The following CELSR1 variants were observed in gnomAD, a reference collection of about 807,000 sequenced individuals.
CELSR1 encodes adhesion G protein-coupled receptor C1.
CELSR1 carries 110 observed loss-of-function variants against 249.1 expected under a neutral mutation model. That is an observed-to-expected ratio of 0.44 (90% CI 0.38 to 0.52). The LOEUF (loss-of-function observed/expected upper bound fraction) is 0.52, where lower values mean the gene tolerates loss of function less well. Ranked by LOEUF, CELSR1 falls within the 20% of genes least tolerant of loss-of-function variation. CELSR1 has a pLI of 0.00. For missense variants in CELSR1, 4,109 were observed against 4,296.4 expected, an observed-to-expected ratio of 0.96 and a Z score of 1.22; for synonymous variants, 2,113 against 1,900.0, an observed-to-expected ratio of 1.11 and a Z score of -2.92.
chr22:46,427,547 A>G lies in CELSR1; in HGVS notation c.4611+5846T>C, dbSNP rs760714019. 1.4e-4 allele frequency among the ~76,000 whole-genome samples: 22 copies of G among 152,190 alleles called. No homozygotes were observed. Among genetic ancestry groups the G allele is most frequent in the African/African-American group, 1.9e-4 (8 of 41,430 alleles). ...ACTCCATCTCAAAAATAAAATAAAT[A>G]AAATACACCCTACAACTATGGCTTT... On this transcript the variant is annotated intron_variant, in intron 5 of 34. Transcript: ENST00000674500. The surrounding 1 kb of genome is among the most constrained non-coding windows in gnomAD (Gnocchi z 4.2).
At chr22:46,521,712 G>A (rs2147793828) in intron 1 of CELSR1, among the ~76,000 whole-genome samples, 1 of 151,770 alleles carries the variant, frequency 6.6e-6, no homozygotes, top group East Asian at 1.9e-4. Flanking sequence ...AGCTACTGGG[G>A]AGGCTGAGGC....
intron 25 of CELSR1, among the ~76,000 whole-genome samples, chr22:46,372,207 A>T (rs1397073421): frequency 1.7e-5 from 2 of 118,356 alleles, no homozygotes; most frequent in Admixed American, 8.2e-5. Context: ...CACCCCTCCA[A>T]CCATCCATCT....
chr22:46,363,641 C>T lies in CELSR1; in HGVS notation c.9035+355G>A, dbSNP rs373804566. 9.2e-5 allele frequency: 34 copies of T among 367,676 alleles called. No individual in the cohort carries two copies. Among genetic ancestry groups the T allele is most frequent in the African/African-American group, 1.9e-4 (9 of 48,488 alleles). The allele number at this position is 367,676 out of a possible 1,614,324, so 22.8% of individuals were successfully genotyped here. A position where few individuals can be genotyped will look rare whatever the true frequency, so the allele number is the denominator to read the frequency against. On this transcript the variant is annotated intron_variant, in intron 34 of 34. Transcript: ENST00000674500. The surrounding 1 kb of genome is among the most constrained non-coding windows in gnomAD (Gnocchi z 4.3). ...CCCGCCCCCTTCACCCCTGGCATTC[C>T]GGGACCCTCAGTATCCTCAACTGCA... is the stretch of plus-strand genomic sequence containing the variant.
rs112516837 is a variant in CELSR1 at position 46,378,689 on chromosome 22, G to A, written c.7285C>T (p.Arg2429Trp). The A allele has an allele frequency of 3.6e-5, 58 of 1,612,318 alleles. No individual in the cohort carries two copies. The highest frequency in any genetic ancestry group is 9.3e-5 in the African/African-American group (7 of 74,924). The change falls in exon 23 of 35, where the codon CGG (arginine) becomes TGG (tryptophan). Residue 2429 changes from arginine to tryptophan, a missense_variant. Coordinates refer to ENST00000674500, the MANE Select transcript of CELSR1 (RefSeq NM_001378328.1). ...AVGGTGGWSA[R>W]GCELLSRNRT... ...TTCCTGGACAGGAGCTCGCAGCCCC[G>A]GGCAGACCACCCTCCCGTCCCACCA...
chr22:46,522,966 G>C (rs761624961), intron 1 of CELSR1, among the ~76,000 whole-genome samples: 3 of 152,226 alleles, frequency 2.0e-5, no homozygotes, highest in Non-Finnish European at 4.4e-5. Context: ...ACAGCCCCTG[G>C]GGCCTTGGCC....
intron 1 of CELSR1, among the ~76,000 whole-genome samples, chr22:46,478,982 T>A (rs2080239230): frequency 1.3e-5 from 2 of 151,866 alleles, no homozygotes; most frequent in Admixed American, 1.3e-4. Flanking sequence ...CCAGGGCCAG[T>A]CTGGAACATT....
Position 46,508,170 on chromosome 22 carries a change from G to A in CELSR1, c.3544+25457C>T, listed in dbSNP as rs137917320. 8.3e-3 allele frequency among the ~76,000 whole-genome samples: 1,254 copies of A among 151,812 alleles called. 9 individuals carry two copies. Among genetic ancestry groups the A allele is most frequent in the Non-Finnish European group, 0.011 (763 of 67,888 alleles). ...CTCCCCCACGGCTCCTAGGACACCA[G>A]CTGACCCCCTCCCACCCACTCTCGC... is the stretch of plus-strand genomic sequence containing the variant. On this transcript the variant is annotated intron_variant, in intron 1 of 34. Coordinates refer to ENST00000674500, the MANE Select transcript of CELSR1 (RefSeq NM_001378328.1).
At position 46,393,724 on chromosome 22, in the gene CELSR1, C is replaced by G. The variant is rs1054523489; in HGVS notation, c.5964+418G>C. Among the ~76,000 whole-genome samples the G allele has an allele frequency of 2.1e-5, 3 of 145,630 alleles. No homozygotes were observed. The highest frequency in any genetic ancestry group is 7.0e-5 in the Admixed American group (1 of 14,312). ...CTGCACTCCAGCCTGGGCGACACAG[C>G]GAGACTCTGTCTCAAAAAAAAAAAA... On this transcript the variant is annotated intron_variant, in intron 14 of 34. Coordinates refer to ENST00000674500, the MANE Select transcript of CELSR1 (RefSeq NM_001378328.1). The surrounding 1 kb of genome is among the most constrained non-coding windows in gnomAD (Gnocchi z 4.1).
At chr22:46,499,398 T>C (rs2080444856) in intron 1 of CELSR1, among the ~76,000 whole-genome samples, 1 of 152,092 alleles carries the variant, frequency 6.6e-6, no homozygotes, top group South Asian at 2.1e-4. Context: ...TTAGTACCCA[T>C]CAGATTGGCA....
chr22:46,518,762 G>A lies in CELSR1; in HGVS notation c.3544+14865C>T, dbSNP rs184781873. On this transcript the variant is annotated intron_variant, in intron 1 of 34. Coordinates refer to ENST00000674500, the MANE Select transcript of CELSR1 (RefSeq NM_001378328.1). This position sits in a 1 kb window ranked among gnomAD's most constrained non-coding sequence, Gnocchi z 5.2. ...ATAAAGACTCCAGTTGTGGCTGGGCGCGGTGGCTCGCCTGTAATCCAGCAC... is the reference window on the plus strand; with the variant it reads ...ATAAAGACTCCAGTTGTGGCTGGGCACGGTGGCTCGCCTGTAATCCAGCAC... Among the ~76,000 whole-genome samples, 11 of 152,288 alleles carry A rather than the reference G, an allele frequency of 7.2e-5. No homozygotes were observed. The highest frequency in any genetic ancestry group is 4.1e-4 in the South Asian group (2 of 4,820).
Position 46,526,189 on chromosome 22 carries a change from C to A in CELSR1, c.3544+7438G>T, listed in dbSNP as rs1434510938. On this transcript the variant is annotated intron_variant, in intron 1 of 34. Coordinates refer to ENST00000674500, the MANE Select transcript of CELSR1 (RefSeq NM_001378328.1). This position sits in a 1 kb window ranked among gnomAD's most constrained non-coding sequence, Gnocchi z 4.7. Reference sequence around the variant, plus strand: ...TCCGCCTCCTGCTCCTCCATTCCCTCCAGGTCTGATGACTCAGAGAGAGGC... The same window carrying A: ...TCCGCCTCCTGCTCCTCCATTCCCTACAGGTCTGATGACTCAGAGAGAGGC... Among the ~76,000 whole-genome samples, 1 of 152,192 alleles carries A rather than the reference C, an allele frequency of 6.6e-6. No individual in the cohort carries two copies.
chr22:46,512,848 C>A lies in CELSR1; in HGVS notation c.3544+20779G>T, dbSNP rs947789870. ...GGGCCCCCCACCCTCTTGTTCCTTC[C>A]GGGTCCGGGCTTGTCCCCCACAGCA... On this transcript the variant is annotated intron_variant, in intron 1 of 34. Transcript: ENST00000674500. This position sits in a 1 kb window ranked among gnomAD's most constrained non-coding sequence, Gnocchi z 5.2. Among the ~76,000 whole-genome samples, 1 of 152,190 alleles carries A rather than the reference C, an allele frequency of 6.6e-6. No homozygotes were observed. Among genetic ancestry groups the A allele is most frequent in the Non-Finnish European group, 1.5e-5 (1 of 68,034 alleles).
chr22:46,394,460 C>A (rs763242893), intron 13 of CELSR1, among the ~76,000 whole-genome samples, 198 bp from the exon 14 acceptor site: 6 of 152,194 alleles, frequency 3.9e-5, no homozygotes, highest in African/African-American at 9.7e-5. Context: ...CACAGATCCA[C>A]CATGCCCAAA....
Position 46,364,579 on chromosome 22 carries a change from G to A in CELSR1, c.8712C>T (p.Tyr2904=), listed in dbSNP as rs1402792650. 1.9e-5 allele frequency: 30 copies of A among 1,612,474 alleles called. No individual in the cohort carries two copies. Among genetic ancestry groups the A allele is most frequent in the African/African-American group, 4.0e-5 (3 of 74,932 alleles). ...REEQGSHRGE[Y]PPDQESGGAA... is the part of the protein sequence containing the mutation. Reference sequence around the variant, plus strand: ...CGCCCCCGCTCTCCTGGTCCGGGGGGTACTCTCCACGGTGACTGCCCTGCT... The same window carrying A: ...CGCCCCCGCTCTCCTGGTCCGGGGGATACTCTCCACGGTGACTGCCCTGCT... Residue 2904 remains tyrosine, a synonymous_variant, in exon 33 of 35, where the codon TAC becomes TAT. Transcript: ENST00000674500.
rs148248242 is a variant in CELSR1 at position 46,416,100 on chromosome 22, T to TTCGCG, written c.4612-4342_4612-4341insCGCGA. On this transcript the variant is annotated intron_variant, in intron 5 of 34. Coordinates refer to ENST00000674500, the MANE Select transcript of CELSR1 (RefSeq NM_001378328.1). ...ACAGCTGACGATGAATGGTACAGGTTGCAGAGGGGGGCGGATAAGGAATGA... is the reference window on the plus strand; with the variant it reads ...ACAGCTGACGATGAATGGTACAGGTTTCGCGGCAGAGGGGGGCGGATAAGGAATGA... Among the ~76,000 whole-genome samples the TTCGCG allele has an allele frequency of 1.1e-4, 14 of 129,552 alleles. 1 individual carries two copies. The highest frequency in any genetic ancestry group is 4.2e-4 in the African/African-American group (14 of 33,018). 85.0% of individuals were successfully genotyped at this position (129,552 alleles called of 152,430 possible). A position where few individuals can be genotyped will look rare whatever the true frequency, so the allele number is the denominator to read the frequency against.
rs796295650 is a variant in CELSR1 at position 46,443,102 on chromosome 22, G to GAA, written c.4184-3693_4184-3692dup. Among the ~76,000 whole-genome samples, 808 of 128,140 alleles carry GAA rather than the reference G, an allele frequency of 6.3e-3. 10 individuals carry two copies. The highest frequency in any genetic ancestry group is 0.021 in the African/African-American group (753 of 35,676). The allele number at this position is 128,140 out of a possible 152,430, so 84.1% of individuals were successfully genotyped here. On this transcript the variant is annotated intron_variant, in intron 2 of 34. Coordinates refer to ENST00000674500, the MANE Select transcript of CELSR1 (RefSeq NM_001378328.1). ...GACAGAGCGAGACTCCGTCTCTTAA[G>GAA]AAAAAAAAAAAAAAGAATGTGTAAC...
chr22:46,497,054 A>T (rs2080421054), intron 1 of CELSR1, among the ~76,000 whole-genome samples: 1 of 152,170 alleles, frequency 6.6e-6, no homozygotes, highest in Non-Finnish European at 1.5e-5. Flanking sequence ...ATCACCACAA[A>T]CACATGAGTA....
At position 46,411,834 on chromosome 22, in the gene CELSR1, T is replaced by C. The variant is rs1261056216; in HGVS notation, c.4612-75A>G. 25 of 1,584,678 alleles carry C rather than the reference T, an allele frequency of 1.6e-5. No individual in the cohort carries two copies. The highest frequency in any genetic ancestry group is 1.9e-5 in the Non-Finnish European group (22 of 1,162,514). On this transcript the variant is annotated intron_variant, in intron 5 of 34. Transcript: ENST00000674500. This position sits in a 1 kb window ranked among gnomAD's most constrained non-coding sequence, Gnocchi z 4.2. ...CCTCAGCAGGCGCACCTGTCACTCA[T>C]AGAGCGAGGAGGACATGGCACAGGG...
chr22:46,528,113 A>AC (rs1342224793), intron 1 of CELSR1, among the ~76,000 whole-genome samples: 4 of 151,872 alleles, frequency 2.6e-5, no homozygotes, highest in Non-Finnish European at 4.4e-5. Flanking sequence ...AAAAAAAAAA[A>AC]AAAAGGTCCG....
Sources: allele counts gnomAD v4.1 joint callset (sites outside exome capture counted in the v4.1 genomes callset), GRCh38; gene constraint gnomAD v4.1.1; non-coding constraint Gnocchi (gnomAD v3.1); transcripts MANE v1.5; gene names NCBI Gene and HGNC (gene_info 2026-07-23, HGNC 2026-07-21).